The following RPRD2 variants were observed in gnomAD, a reference collection of about 807,000 sequenced individuals.
RPRD2 encodes regulation of nuclear pre-mRNA domain containing 2.
In RPRD2, 12 loss-of-function variants were observed where a neutral mutation model predicts 104.4. The observed-to-expected ratio is 0.11, with a 90% CI of 0.07 to 0.19. The LOEUF (loss-of-function observed/expected upper bound fraction) is 0.19. RPRD2 is among the 10% of genes least tolerant of loss of function. RPRD2 has a pLI of 1.00. For missense variants in RPRD2, 1,543 were observed against 1,790.1 expected (o/e 0.86, Z 2.49); for synonymous variants, 714 against 684.9 (o/e 1.04, Z -0.66).
chr1:150,374,102 G>T (rs915037613), intron 1 of RPRD2, among the ~76,000 whole-genome samples: 1 of 152,198 alleles, frequency 6.6e-6, no homozygotes, highest in Non-Finnish European at 1.5e-5. Context: ...AGGACTAGAG[G>T]TTGTGACTTT....
In RPRD2 at chr1:150,472,986, C is replaced by T. The variant is rs770237947; in HGVS notation, c.4038C>T (p.Pro1346=). 2 of 1,614,038 alleles carry T rather than the reference C, an allele frequency of 1.2e-6. No individual in the cohort carries two copies. Among genetic ancestry groups the T allele is most frequent in the Admixed American group, 3.3e-5 (2 of 60,028 alleles). Residue 1346 remains proline, a synonymous_variant, in exon 11 of 11, where the codon CCC becomes CCT. Transcript: ENST00000369068. The part of the protein sequence containing the change: ...LAEHFGVLPG[P]RDHGGPTQRD... ...AGCATTTTGGGGTACTCCCAGGACC[C>T]AGGGACCACGGGGGCCCCACCCAAC...
At chr1:150,397,752 T>C (rs79248732) in intron 1 of RPRD2, among the ~76,000 whole-genome samples, 299 of 152,242 alleles carry the variant, frequency 2.0e-3, no homozygotes, top group Admixed American at 3.4e-3. Flanking sequence ...CATTTCTTAT[T>C]TATTTATTTA....
chr1:150,369,073 A>G lies in RPRD2; in HGVS notation c.205+4154A>G, dbSNP rs372581485. ...CAAACAACTAGGATAGTGCTGGCGT[A>G]CAGTTAGCAATCAGTAAATGTTTGC... On this transcript the variant is annotated intron_variant, in intron 1 of 10. Coordinates refer to ENST00000369068, the MANE Select transcript of RPRD2 (RefSeq NM_015203.5). 4.6e-5 allele frequency among the ~76,000 whole-genome samples: 7 copies of G among 152,366 alleles called. No individual in the cohort carries two copies. The East Asian group carries it at 9.6e-4, about 21-fold the overall frequency.
chr1:150,387,913 CTTTTTTTT>C (rs34188350), intron 1 of RPRD2, among the ~76,000 whole-genome samples: 5 of 94,602 alleles, frequency 5.3e-5, no homozygotes, highest in Non-Finnish European at 8.0e-5. Context: ...TTTCTTTTCT[CTTTTTTTT>C]TTTTTTTTTT....
In RPRD2 at chr1:150,457,353, C is replaced by A; in HGVS notation, c.936C>A (p.Thr312=). The change falls in exon 8 of 11, where the codon ACC becomes ACA. Residue 312 remains threonine (T), a synonymous_variant. Coordinates refer to ENST00000369068, the MANE Select transcript of RPRD2 (RefSeq NM_015203.5). The part of the protein sequence containing the change: ...LKKKLDQLKS[T]LPDPEESPVP... ...AGAAGTTGGATCAATTGAAGTCAAC[C>A]CTTCCAGATCCTGAAGAATCACCAG... The A allele has an allele frequency of 6.2e-7, 1 of 1,606,604 alleles. No homozygotes were observed. The highest frequency in any genetic ancestry group is 8.5e-7 in the Non-Finnish European group (1 of 1,173,266).
chr1:150,411,077 T>C (rs1286118006), intron 1 of RPRD2, among the ~76,000 whole-genome samples: 1 of 152,206 alleles, frequency 6.6e-6, no homozygotes, highest in Admixed American at 6.5e-5. Flanking sequence ...CTCAGGCTGG[T>C]ACCAACCTCA....
chr1:150,472,695 C>T lies in RPRD2; in HGVS notation c.3747C>T (p.Ala1249=). 1.2e-6 allele frequency: 2 copies of T among 1,613,652 alleles called. No homozygotes were observed. The highest frequency in any genetic ancestry group is 1.1e-5 in the South Asian group (1 of 91,072). ...CGAACCCCTTCACAAAGGAGGCAGC[C>T]CTGGCCCATGCTGCCCCACCCCCTC... is the stretch of plus-strand genomic sequence containing the variant. ...DLSNPFTKEA[A]LAHAAPPPPP... is the part of the protein sequence containing the mutation. Residue 1249 remains alanine (A), a synonymous_variant, in exon 11 of 11, where the codon GCC becomes GCT. Coordinates refer to ENST00000369068, the MANE Select transcript of RPRD2 (RefSeq NM_015203.5).
chr1:150,372,931 A>G (rs907425219), intron 1 of RPRD2, among the ~76,000 whole-genome samples: 1 of 152,110 alleles, frequency 6.6e-6, no homozygotes, highest in African/African-American at 2.4e-5. Flanking sequence ...GGATTCACCA[A>G]GGGTTTTATA....
chr1:150,402,908 C>T (rs1398818528), intron 1 of RPRD2, among the ~76,000 whole-genome samples: 4 of 151,530 alleles, frequency 2.6e-5, no homozygotes, highest in East Asian at 3.9e-4. Context: ...GCGGAGGTTG[C>T]GGTGAGCCGA....
intron 1 of RPRD2, among the ~76,000 whole-genome samples, chr1:150,401,947 T>G (rs1406085235): frequency 7.6e-6 from 1 of 131,580 alleles, no homozygotes; most frequent in Non-Finnish European, 1.6e-5. Context: ...CCAGTGGGGT[T>G]TTTTTTTTTA....
intron 8 of RPRD2, 100 bp from the exon 9 acceptor site, chr1:150,459,959 CT>C: frequency 7.3e-6 from 8 of 1,089,526 alleles, no homozygotes; most frequent in Non-Finnish European, 1.1e-5. Flanking sequence ...AAAGTAGTGC[CT>C]TTTCCCCCAA....
intron 1 of RPRD2, among the ~76,000 whole-genome samples, chr1:150,386,299 A>T (rs587636230): frequency 1.3e-5 from 2 of 152,114 alleles, no homozygotes; most frequent in East Asian, 3.9e-4. Flanking sequence ...GAAATAGCAC[A>T]GTTGGCCAGG....
chr1:150,471,715 C>G lies in RPRD2; in HGVS notation c.2767C>G (p.Pro923Ala). Residue 923 changes from proline to alanine, a missense_variant, in exon 11 of 11, where the codon CCT becomes GCT. By Grantham distance (27) the Pro-to-Ala change is conservative (BLOSUM62 -1). Around this residue, in one of 4 missense-constraint regions of RPRD2, gnomAD observed 880 missense variants for 885.6 expected, o/e 0.99. Coordinates refer to ENST00000369068, the MANE Select transcript of RPRD2 (RefSeq NM_015203.5). This position sits in a 1 kb window ranked among gnomAD's most constrained non-coding sequence, Gnocchi z 5.3. ...FGAFSVRGNE[P>A]GSDRSPSPSK... Reference sequence around the variant, plus strand: ...TGCCTTCAGCGTAAGAGGGAATGAACCTGGGTCTGACCGGTCACCATCACC... The same window carrying G: ...TGCCTTCAGCGTAAGAGGGAATGAAGCTGGGTCTGACCGGTCACCATCACC... 6.2e-7 allele frequency: 1 copy of G among 1,613,900 alleles called. No homozygotes were observed. The highest frequency in any genetic ancestry group is 8.5e-7 in the Non-Finnish European group (1 of 1,179,870).
At chr1:150,434,448 A>T (rs1665859794) in intron 2 of RPRD2, among the ~76,000 whole-genome samples, 1 of 152,098 alleles carries the variant, frequency 6.6e-6, no homozygotes. Context: ...AATATGAGAA[A>T]CTCTTATGAA....
At chr1:150,404,651 G>C (rs782754035) in intron 1 of RPRD2, among the ~76,000 whole-genome samples, 2 of 152,074 alleles carry the variant, frequency 1.3e-5, no homozygotes, top group Non-Finnish European at 2.9e-5. Flanking sequence ...GTCTCCCTAT[G>C]TTGCCCAGGC....
chr1:150,446,467 G>T, intron 7 of RPRD2, 66 bp downstream of exon 7: 1 of 1,312,160 alleles, frequency 7.6e-7, no homozygotes, highest in Non-Finnish European at 1.0e-6. Context: ...TTGTTAACAT[G>T]CATTATCTAA....
intron 1 of RPRD2, among the ~76,000 whole-genome samples, chr1:150,373,508 AG>A (rs1289290546): frequency 6.8e-6 from 1 of 146,350 alleles, no homozygotes; most frequent in African/African-American, 2.5e-5. Context: ...GTGGGGTGAG[AG>A]AGGAGGAGAA....
At chr1:150,434,455 T>C (rs1056320526) in intron 2 of RPRD2, among the ~76,000 whole-genome samples, 2 of 152,228 alleles carry the variant, frequency 1.3e-5, no homozygotes, top group South Asian at 4.1e-4. Flanking sequence ...GAAACTCTTA[T>C]GAATAAAGTT....
In RPRD2 at chr1:150,373,722, C is replaced by G. The variant is rs952626115; in HGVS notation, c.205+8803C>G. 3.3e-5 allele frequency among the ~76,000 whole-genome samples: 5 copies of G among 151,862 alleles called. No homozygotes were observed. The East Asian group carries it at 9.6e-4, about 29-fold the overall frequency. ...AGATATAATTCACAAAAAATATACTCATTTAAAGTGTACAATTCAATTGTT... is the reference window on the plus strand; with the variant it reads ...AGATATAATTCACAAAAAATATACTGATTTAAAGTGTACAATTCAATTGTT... On this transcript the variant is annotated intron_variant, in intron 1 of 10. Transcript: ENST00000369068.
Sources: allele counts gnomAD v4.1 joint callset (sites outside exome capture counted in the v4.1 genomes callset), GRCh38; gene constraint gnomAD v4.1.1; regional missense constraint gnomAD v4.1.1; non-coding constraint Gnocchi (gnomAD v3.1); transcripts MANE v1.5; gene names NCBI Gene and HGNC (gene_info 2026-07-23, HGNC 2026-07-21).